TASP1: variants seen among roughly 807,000 people sequenced by gnomAD.
TASP1 encodes taspase 1.
A neutral mutation model predicts 56.6 loss-of-function variants in TASP1; 16 were observed. The observed-to-expected ratio is 0.28, with a 90% CI of 0.19 to 0.43. TASP1 has a LOEUF of 0.43. Ranked by LOEUF, TASP1 falls within the 20% of genes least tolerant of loss-of-function variation. The pLI, the probability that TASP1 is intolerant of heterozygous loss-of-function variation, is 1.00. For synonymous variants in TASP1, 179 were observed against 184.2 expected (o/e 0.97, Z 0.23); for missense variants, 393 against 511.6 (o/e 0.77, Z 2.24).
the TASP1 span, among the ~76,000 whole-genome samples, chr20:13,282,049 C>T: frequency 1.3e-5 from 2 of 152,146 alleles, no homozygotes; most frequent in African/African-American, 4.8e-5. Flanking sequence ...CCCAGAAATC[C>T]GTTTGAACAA....
intron 12 of TASP1, among the ~76,000 whole-genome samples, chr20:13,422,296 C>T (rs1252512120): frequency 2.0e-5 from 3 of 152,092 alleles, no homozygotes; most frequent in African/African-American, 4.8e-5. Flanking sequence ...AAGGGTTTAA[C>T]GTTTTCCTGA....
At chr20:13,328,486 A>C in the TASP1 span, among the ~76,000 whole-genome samples, 1 of 152,232 alleles carries the variant, frequency 6.6e-6, no homozygotes, top group Admixed American at 6.5e-5. Flanking sequence ...AAATCATTTT[A>C]TTATGAAGAC....
At chr20:13,373,230 T>C in the TASP1 span, among the ~76,000 whole-genome samples, 1 of 152,126 alleles carries the variant, frequency 6.6e-6, no homozygotes, top group Non-Finnish European at 1.5e-5. Context: ...CCATCTATTA[T>C]AGCCCCAACA....
At chr20:13,636,688 CG>C (rs1291305818) in intron 1 of TASP1, among the ~76,000 whole-genome samples, 2 of 151,986 alleles carry the variant, frequency 1.3e-5, no homozygotes, top group Admixed American at 1.3e-4. Flanking sequence ...TACAGAAAAA[CG>C]GTTAAGAAAA....
At chr20:13,471,539 A>T (rs1046453906) in intron 11 of TASP1, among the ~76,000 whole-genome samples, 1 of 152,186 alleles carries the variant, frequency 6.6e-6, no homozygotes, top group African/African-American at 2.4e-5. Context: ...AAAGCCCCAG[A>T]GATTCTCTTT....
chr20:13,404,047 T>C (rs6105087), intron 13 of TASP1, among the ~76,000 whole-genome samples: 100,073 of 152,056 alleles, frequency 0.66, 33,172 homozygotes, highest in Non-Finnish European at 0.69. Context: ...CTAAGGAGAA[T>C]ATTTTCCACA....
chr20:13,159,970 CTTT>C, the TASP1 span: 6 of 1,163,924 alleles, frequency 5.2e-6, no homozygotes, highest in Admixed American at 9.7e-5. Flanking sequence ...CAACTAACCA[CTTT>C]TTTTTTTTCT....
the TASP1 span, chr20:13,279,590 G>T: frequency 6.4e-7 from 1 of 1,572,746 alleles, no homozygotes; most frequent in Non-Finnish European, 8.7e-7. Flanking sequence ...TAGCTTGGAG[G>T]CTGTTGACTC....
intron 11 of TASP1, among the ~76,000 whole-genome samples, chr20:13,446,561 T>C (rs976769744): frequency 1.2e-4 from 18 of 152,246 alleles, no homozygotes; most frequent in African/African-American, 4.3e-4. Flanking sequence ...GCCTATTCTA[T>C]AGATGTAAGT....
At chr20:13,573,068 A>T (rs1448084834) in intron 6 of TASP1, among the ~76,000 whole-genome samples, 1 of 152,240 alleles carries the variant, frequency 6.6e-6, no homozygotes, top group Non-Finnish European at 1.5e-5. Context: ...AAGAAAGATA[A>T]CTTCGGTTAT....
the TASP1 span, among the ~76,000 whole-genome samples, chr20:13,359,934 C>A: frequency 1.3e-5 from 2 of 151,996 alleles, no homozygotes; most frequent in African/African-American, 4.8e-5. Context: ...ATCACCCTTA[C>A]CCCACTCAAT....
chr20:13,123,773 T>C, the TASP1 span, among the ~76,000 whole-genome samples: 1 of 152,192 alleles, frequency 6.6e-6, no homozygotes, highest in Non-Finnish European at 1.5e-5. Flanking sequence ...CCATCCCTCA[T>C]GGCCAGATCA....
intron 1 of TASP1, among the ~76,000 whole-genome samples, chr20:13,630,864 T>C (rs553529277): frequency 2.0e-5 from 3 of 152,278 alleles, no homozygotes; most frequent in Non-Finnish European, 2.9e-5. Context: ...TTCATGTTAG[T>C]TGCTTTATAA....
At chr20:13,436,669 A>G (rs2043016779) in intron 11 of TASP1, among the ~76,000 whole-genome samples, 2 of 152,168 alleles carry the variant, frequency 1.3e-5, no homozygotes, top group Non-Finnish European at 2.9e-5. Flanking sequence ...TCTTTATGCT[A>G]AACAGTGAAA....
At chr20:13,270,608 C>A in the TASP1 span, 2 of 1,613,852 alleles carry the variant, frequency 1.2e-6, no homozygotes, top group Non-Finnish European at 1.7e-6. Context: ...ACCAACCCTT[C>A]CCCAGACCGC....
chr20:13,184,456 G>A, the TASP1 span, among the ~76,000 whole-genome samples: 1 of 152,068 alleles, frequency 6.6e-6, no homozygotes, highest in Non-Finnish European at 1.5e-5. Context: ...AAGCCCTTCA[G>A]GTTGAATGAA....
chr20:13,312,454 G>A, the TASP1 span, among the ~76,000 whole-genome samples: 2 of 152,154 alleles, frequency 1.3e-5, no homozygotes, highest in Non-Finnish European at 1.5e-5. Context: ...CCTGCACAAC[G>A]CCCTGCAACT....
intron 12 of TASP1, among the ~76,000 whole-genome samples, chr20:13,423,910 C>T (rs534795362): frequency 6.6e-6 from 1 of 152,284 alleles, no homozygotes; most frequent in African/African-American, 2.4e-5. Flanking sequence ...AATGTATTAT[C>T]ATGATGTGAA....
rs148031797 is a variant in TASP1, at chr20:13,475,810, C to T, written c.985+7417G>A. On this transcript the variant is annotated intron_variant, in intron 11 of 13. Coordinates refer to ENST00000337743, the MANE Select transcript of TASP1 (RefSeq NM_017714.3). ...ACTTGGGAGGCTGAGGCAGGAGAAT[C>T]ACTTGAACCCTGGAGGCGGAGACTG... Among the ~76,000 whole-genome samples, 19 of 152,128 alleles carry T rather than the reference C, an allele frequency of 1.2e-4. No homozygotes were observed. In the East Asian group the frequency reaches 3.7e-3, roughly 29 times the overall value.
Sources: gnomAD v4.1 joint callset for allele counts (sites outside exome capture counted in the v4.1 genomes callset) on GRCh38, gnomAD v4.1.1 for gene constraint, MANE v1.5 for transcripts, NCBI Gene and HGNC (gene_info 2026-07-23, HGNC 2026-07-21) for gene names.